Variants in BBS9 observed in about 807,000 individuals in gnomAD.
BBS9 encodes the protein protein PTHB1.
BBS9 carries 89 observed loss-of-function variants against 117.7 expected under a neutral mutation model. The observed-to-expected ratio is 0.76, with a 90% confidence interval of 0.64 to 0.90. The LOEUF (loss-of-function observed/expected upper bound fraction) is 0.90, where lower values mean the gene tolerates loss of function less well. Among genes scored for constraint, BBS9 ranks in the 40% least tolerant of loss-of-function variants. The pLI is 0.00. For missense variants in BBS9, 982 were observed against 1,042.2 expected (o/e 0.94, Z 0.80); for synonymous variants, 379 against 370.9 (o/e 1.02, Z -0.25).
At chr7:33,378,275 A>G (rs1313985902) in intron 17 of BBS9, among the ~76,000 whole-genome samples, 1 of 152,198 alleles carries the variant, frequency 6.6e-6, no homozygotes, top group African/African-American at 2.4e-5. Flanking sequence ...AGGATCATGT[A>G]TGTGTTGTTC....
In BBS9 at chr7:33,453,310, G is replaced by A. The variant is rs1468180880; in HGVS notation, c.2116-52153G>A. Among the ~76,000 whole-genome samples the A allele has an allele frequency of 3.3e-5, 5 of 152,088 alleles. No homozygotes were observed. In the South Asian group the frequency reaches 8.3e-4, roughly 25 times the overall value. ...TTGCTCTGCTGATAGTGTCAGGCTG[G>A]ATGTAAATACAGTTGACCCTTGAAC... On this transcript the variant is annotated intron_variant, in intron 19 of 22. Transcript: ENST00000242067.
chr7:33,180,649 C>G (rs1797964520), intron 5 of BBS9, among the ~76,000 whole-genome samples: 1 of 152,210 alleles, frequency 6.6e-6, no homozygotes. Context: ...GCCACTGCAC[C>G]TGGCCGAGAA....
chr7:33,524,640 T>G (rs1366891266), intron 20 of BBS9, among the ~76,000 whole-genome samples: 1 of 152,162 alleles, frequency 6.6e-6, no homozygotes. Flanking sequence ...TCTTCTCTCT[T>G]TTTTTCTTTA....
intron 19 of BBS9, among the ~76,000 whole-genome samples, chr7:33,396,326 T>C (rs1195938178): frequency 6.6e-6 from 1 of 152,140 alleles, no homozygotes; most frequent in Non-Finnish European, 1.5e-5. Flanking sequence ...CATATCATTA[T>C]TGTGTTTCAT....
intron 7 of BBS9, among the ~76,000 whole-genome samples, chr7:33,268,578 G>A (rs575828724): frequency 7.2e-5 from 11 of 152,228 alleles, no homozygotes; most frequent in East Asian, 5.8e-4. Flanking sequence ...CCACTTTGTC[G>A]TTGTTTTAGG....
intron 9 of BBS9, among the ~76,000 whole-genome samples, chr7:33,310,236 G>C (rs1436324225): frequency 6.6e-6 from 1 of 152,026 alleles, no homozygotes; most frequent in African/African-American, 2.4e-5. Context: ...ATTTCTTTCT[G>C]TCATTGTTTT....
intron 5 of BBS9, among the ~76,000 whole-genome samples, chr7:33,213,303 A>G (rs377292309): frequency 3.4e-4 from 52 of 152,128 alleles, no homozygotes; most frequent in African/African-American, 1.1e-3. Flanking sequence ...GCCACTGACC[A>G]TGTTCACTTA....
chr7:33,237,405 A>G (rs941870134), intron 5 of BBS9, among the ~76,000 whole-genome samples: 6 of 152,192 alleles, frequency 3.9e-5, no homozygotes, highest in Non-Finnish European at 5.9e-5. Context: ...TAAAATTTCA[A>G]TTATGGACAG....
At chr7:33,209,932 T>A (rs1393332437) in intron 5 of BBS9, among the ~76,000 whole-genome samples, 1 of 152,128 alleles carries the variant, frequency 6.6e-6, no homozygotes, top group African/African-American at 2.4e-5. Context: ...CTTCTACTGA[T>A]TTTTGGTTTG....
intron 10 of BBS9, among the ~76,000 whole-genome samples, chr7:33,338,505 C>G (rs184607119): frequency 2.0e-5 from 3 of 152,166 alleles, no homozygotes; most frequent in African/African-American, 7.2e-5. Flanking sequence ...GGGTTATGTT[C>G]AGTACTTAAA....
At chr7:33,147,990 C>T (rs1415731101) in intron 2 of BBS9, among the ~76,000 whole-genome samples, 1 of 152,174 alleles carries the variant, frequency 6.6e-6, no homozygotes, top group Non-Finnish European at 1.5e-5. Flanking sequence ...CTATCCCAGA[C>T]ACATGAGATG....
chr7:33,264,420 TA>T, intron 7 of BBS9, 46 bp downstream of exon 7: 1 of 1,075,458 alleles, frequency 9.3e-7, no homozygotes. Context: ...ATGCTATATC[TA>T]ATCACATATG....
chr7:33,417,172 G>A (rs554857699), intron 19 of BBS9, among the ~76,000 whole-genome samples: 118 of 152,216 alleles, frequency 7.8e-4, no homozygotes, highest in Non-Finnish European at 1.4e-3. Flanking sequence ...TATTATCTTA[G>A]GCCCTTATCA....
intron 5 of BBS9, among the ~76,000 whole-genome samples, chr7:33,228,521 T>A (rs1286658253): frequency 6.6e-6 from 1 of 152,150 alleles, no homozygotes; most frequent in Non-Finnish European, 1.5e-5. Flanking sequence ...TTAGGGATGC[T>A]GACCCCTCCT....
At chr7:33,552,284 G>A (rs1380910467) in intron 21 of BBS9, among the ~76,000 whole-genome samples, 3 of 152,242 alleles carry the variant, frequency 2.0e-5, no homozygotes, top group African/African-American at 7.2e-5. Context: ...TTGGAACACA[G>A]AAGATGCTCA....
chr7:33,320,229 C>T (rs1489283700), intron 9 of BBS9, among the ~76,000 whole-genome samples: 2 of 151,928 alleles, frequency 1.3e-5, no homozygotes, highest in African/African-American at 4.8e-5. Context: ...ACCCATTATC[C>T]ATCCTTCTCC....
chr7:33,289,901 G>T (rs149183821), intron 9 of BBS9, among the ~76,000 whole-genome samples: 80 of 152,138 alleles, frequency 5.3e-4, no homozygotes, highest in African/African-American at 1.5e-3. Flanking sequence ...AATTAGCTAG[G>T]CGTAGTGCTA....
chr7:33,315,842 C>T (rs1332332304), intron 9 of BBS9, among the ~76,000 whole-genome samples: 1 of 152,082 alleles, frequency 6.6e-6, no homozygotes, highest in African/African-American at 2.4e-5. Flanking sequence ...AGTTCAAATG[C>T]ATACAAAGTA....
chr7:33,626,648 G>T (rs1333013352), intron 21 of BBS9, among the ~76,000 whole-genome samples: 2 of 152,190 alleles, frequency 1.3e-5, no homozygotes, highest in African/African-American at 4.8e-5. Context: ...CTTTTGTTAT[G>T]CATTAGCAAA....
Sources: allele counts gnomAD v4.1 joint callset (sites outside exome capture counted in the v4.1 genomes callset), GRCh38; gene constraint gnomAD v4.1.1; transcripts MANE v1.5; gene names NCBI Gene and HGNC (gene_info 2026-07-23, HGNC 2026-07-21).